Variants in NALF1 observed in about 807,000 individuals in gnomAD.
NALF1 encodes the protein NALCN channel auxiliary factor 1.
A neutral mutation model predicts 48.4 loss-of-function variants in NALF1; 3 were observed. The observed-to-expected ratio is 0.06, with a 90% CI of 0.03 to 0.16. The LOEUF is 0.16. Among genes scored for constraint, NALF1 ranks in the 10% least tolerant of loss-of-function variants. The pLI is 1.00. For missense variants in NALF1, 526 were observed against 571.5 expected, an observed-to-expected ratio of 0.92 and a Z score of 0.81; for synonymous variants, 262 against 245.7, an observed-to-expected ratio of 1.07 and a Z score of -0.62.
intron 1 of NALF1, among the ~76,000 whole-genome samples, chr13:107,819,868 ACTAT>A (rs1001414322): frequency 5.9e-5 from 9 of 151,626 alleles, no homozygotes; most frequent in African/African-American, 2.2e-4. Flanking sequence ...AGCGCTTGCC[ACTAT>A]CTATTTTTTA....
chr13:107,408,021 T>A (rs1243508571), intron 1 of NALF1, among the ~76,000 whole-genome samples: 1 of 151,984 alleles, frequency 6.6e-6, no homozygotes, highest in Non-Finnish European at 1.5e-5. Context: ...AACTTCACAT[T>A]TTCTCACTTA....
chr13:107,542,528 T>C (rs1877025506), intron 1 of NALF1, among the ~76,000 whole-genome samples: 1 of 152,110 alleles, frequency 6.6e-6, no homozygotes, highest in African/African-American at 2.4e-5. Context: ...TTTTAAAAAA[T>C]TAGTTGAATC....
intron 1 of NALF1, among the ~76,000 whole-genome samples, chr13:107,359,791 C>T (rs1328653678): frequency 2.0e-5 from 3 of 152,080 alleles, no homozygotes; most frequent in Non-Finnish European, 2.9e-5. Flanking sequence ...AGTTTGCCTT[C>T]AGAACAGAGT....
chr13:107,721,410 G>A (rs1875982675), intron 1 of NALF1, among the ~76,000 whole-genome samples: 2 of 152,106 alleles, frequency 1.3e-5, no homozygotes, highest in South Asian at 4.1e-4. Context: ...TGTGCAGGGA[G>A]GCAGAGTCAA....
rs375942388 is a variant in NALF1 at position 107,752,998 on chromosome 13, G to C, written c.915+112684C>G. On this transcript the variant is annotated intron_variant, in intron 1 of 2. Transcript: ENST00000375915. The stretch of plus-strand genomic sequence containing the variant: ...CAACTTTGTTGTTATGAATTATTTT[G>C]TTCCCCACATGGATGTTTAGTAACA... Among the ~76,000 whole-genome samples the C allele has an allele frequency of 2.0e-5, 3 of 152,240 alleles. No individual in the cohort carries two copies. The South Asian group carries it at 6.2e-4, about 32-fold the overall frequency.
At chr13:107,622,867 A>T (rs1446756122) in intron 1 of NALF1, among the ~76,000 whole-genome samples, 5 of 152,214 alleles carry the variant, frequency 3.3e-5, no homozygotes, top group Non-Finnish European at 7.3e-5. Context: ...GATCCCATCT[A>T]CGGAGTTTTC....
intron 1 of NALF1, among the ~76,000 whole-genome samples, chr13:107,766,874 A>C (rs1877431261): frequency 6.6e-6 from 1 of 152,202 alleles, no homozygotes. Context: ...CTACAGAAGT[A>C]AAACCAATTT....
intron 1 of NALF1, among the ~76,000 whole-genome samples, chr13:107,739,337 T>C (rs1307098114): frequency 6.7e-6 from 1 of 148,844 alleles, no homozygotes; most frequent in Non-Finnish European, 1.5e-5. Context: ...AAAATATATA[T>C]ATTTTTCATA....
intron 1 of NALF1, among the ~76,000 whole-genome samples, chr13:107,678,707 C>T (rs556823912): frequency 2.1e-4 from 32 of 152,224 alleles, no homozygotes; most frequent in Admixed American, 1.8e-3. Context: ...TGAAGGGAAA[C>T]AAGGCAACGT....
At chr13:107,395,474 G>A (rs957891414) in intron 1 of NALF1, among the ~76,000 whole-genome samples, 45 of 152,214 alleles carry the variant, frequency 3.0e-4, no homozygotes, top group African/African-American at 1.0e-3. Context: ...CACCTTCTTA[G>A]ATTCACCTTT....
chr13:107,711,827 T>G (rs1342833805), intron 1 of NALF1, among the ~76,000 whole-genome samples: 1 of 152,188 alleles, frequency 6.6e-6, no homozygotes, highest in Non-Finnish European at 1.5e-5. Context: ...AGAATGTATG[T>G]TTTTTACTGT....
intron 1 of NALF1, among the ~76,000 whole-genome samples, chr13:107,656,249 A>G (rs1307532814): frequency 6.6e-6 from 1 of 152,162 alleles, no homozygotes; most frequent in Non-Finnish European, 1.5e-5. Flanking sequence ...AATCTTCACA[A>G]TCTATACATC....
At chr13:107,753,237 G>A (rs1876989792) in intron 1 of NALF1, among the ~76,000 whole-genome samples, 1 of 152,108 alleles carries the variant, frequency 6.6e-6, no homozygotes, top group Admixed American at 6.6e-5. Flanking sequence ...ACTTCTTCAA[G>A]TGATTACTTT....
intron 1 of NALF1, among the ~76,000 whole-genome samples, chr13:107,500,949 T>C (rs964471564): frequency 2.0e-5 from 3 of 150,316 alleles, no homozygotes; most frequent in Admixed American, 6.6e-5. Flanking sequence ...CTGAGGACTG[T>C]TGTGGGGTGG....
At chr13:107,411,938 G>A (rs868720741) in intron 1 of NALF1, among the ~76,000 whole-genome samples, 10 of 152,140 alleles carry the variant, frequency 6.6e-5, no homozygotes, top group African/African-American at 9.7e-5. Flanking sequence ...GCAGCAAGGT[G>A]TGGCAGTGAG....
intron 1 of NALF1, among the ~76,000 whole-genome samples, chr13:107,742,592 AC>A (rs780575345): frequency 2.6e-5 from 4 of 152,148 alleles, no homozygotes; most frequent in Non-Finnish European, 5.9e-5. Context: ...CCTGAGGCTT[AC>A]CCATCCCTAC....
chr13:107,446,784 AT>A (rs1337242236), intron 1 of NALF1, among the ~76,000 whole-genome samples: 2 of 152,184 alleles, frequency 1.3e-5, no homozygotes, highest in Non-Finnish European at 2.9e-5. Flanking sequence ...CAATCTTACT[AT>A]TTATGTCCTA....
intron 1 of NALF1, among the ~76,000 whole-genome samples, chr13:107,682,259 C>T (rs1001001166): frequency 1.2e-4 from 19 of 152,148 alleles, no homozygotes; most frequent in Non-Finnish European, 2.5e-4. Flanking sequence ...CTCTAATATG[C>T]TTTAAGAAGC....
intron 1 of NALF1, among the ~76,000 whole-genome samples, chr13:107,676,547 A>G (rs1881127568): frequency 6.6e-6 from 1 of 150,850 alleles, no homozygotes; most frequent in African/African-American, 2.5e-5. Context: ...CATACAGACA[A>G]AACGTTGTTA....
Sources: allele counts gnomAD v4.1 joint callset (sites outside exome capture counted in the v4.1 genomes callset), GRCh38; gene constraint gnomAD v4.1.1; transcripts MANE v1.5; gene names NCBI Gene and HGNC (gene_info 2026-07-23, HGNC 2026-07-21).